Variants in COPS2 observed in about 807,000 individuals in gnomAD.
The protein encoded by COPS2 is COP9 signalosome complex subunit 2.
In COPS2, 10 loss-of-function variants were observed where a neutral mutation model predicts 66.1. The observed-to-expected ratio is 0.15, with a 90% CI of 0.09 to 0.26. The LOEUF (loss-of-function observed/expected upper bound fraction) is 0.26, where lower values mean the gene tolerates loss of function less well. COPS2 is among the 10% of genes least tolerant of loss of function. The pLI, the probability that COPS2 is intolerant of heterozygous loss-of-function variation, is 1.00. For synonymous variants in COPS2, 179 were observed against 171.3 expected, an observed-to-expected ratio of 1.04 and a Z score of -0.35; for missense variants, 215 against 513.3, an observed-to-expected ratio of 0.42 and a Z score of 5.62.
At position 49,128,108 on chromosome 15, in the gene COPS2, A is replaced by T. The variant is rs1036131602; in HGVS notation, c.1188-14T>A. On this transcript the variant is annotated splice_polypyrimidine_tract_variant and intron_variant, in intron 12 of 12. Coordinates refer to ENST00000388901, the MANE Select transcript of COPS2 (RefSeq NM_004236.4). ...CCATGAATAGTGCTAGAAAGAAATAAATAAGATGTGTCTACAAAAGACTTT... is the reference window on the plus strand; with the variant it reads ...CCATGAATAGTGCTAGAAAGAAATATATAAGATGTGTCTACAAAAGACTTT... The T allele has an allele frequency of 1.9e-6, 3 of 1,611,368 alleles. No individual in the cohort carries two copies. The highest frequency in any genetic ancestry group is 2.5e-6 in the Non-Finnish European group (3 of 1,178,574).
At chr15:49,130,923 T>G in intron 9 of COPS2, 107 bp from the exon 10 acceptor site, 1 of 542,762 alleles carries the variant, frequency 1.8e-6, no homozygotes. Flanking sequence ...AAAATCTAAA[T>G]AATATTATAC....
At chr15:49,137,128 G>T in intron 6 of COPS2, 22 bp downstream of exon 6, 1 of 1,493,102 alleles carries the variant, frequency 6.7e-7, no homozygotes. Flanking sequence ...GAAATATTCA[G>T]AAAAAAATAA....
At chr15:49,141,056 T>G (rs2084286771) in intron 3 of COPS2, among the ~76,000 whole-genome samples, 1 of 151,938 alleles carries the variant, frequency 6.6e-6, no homozygotes, top group African/African-American at 2.4e-5. Context: ...TTTCCAAGTT[T>G]CATGTGGGGG....
Position 49,137,420 on chromosome 15 carries a change from T to C in COPS2, c.390A>G (p.Glu130=). ...AAGCTTCCAGTGTTGTTTCATAGAA[T>C]TCCTGCAGTAAATCCATCTGACATA... ...STSKQMDLLQ[E]FYETTLEALK... Residue 130 remains glutamate, a synonymous_variant, in exon 5 of 13, where the codon GAA becomes GAG. Transcript: ENST00000388901. 4.3e-6 allele frequency: 7 copies of C among 1,612,014 alleles called. No homozygotes were observed. Among genetic ancestry groups the C allele is most frequent in the Non-Finnish European group, 4.2e-6 (5 of 1,178,682 alleles).
intron 1 of COPS2, among the ~76,000 whole-genome samples, chr15:49,146,704 C>G (rs758592409): frequency 5.3e-5 from 8 of 152,176 alleles, no homozygotes; most frequent in Non-Finnish European, 1.0e-4. Context: ...CTACTTTCAT[C>G]TCTCCACAAA....
chr15:49,135,800 CA>C (rs1374925024), intron 6 of COPS2, among the ~76,000 whole-genome samples: 1 of 152,188 alleles, frequency 6.6e-6, no homozygotes, highest in Non-Finnish European at 1.5e-5. Context: ...GAGTATCCTG[CA>C]TCTTTCCCTG....
At chr15:49,134,217 A>C in intron 7 of COPS2, 109 bp from the exon 8 acceptor site, 1 of 1,404,574 alleles carries the variant, frequency 7.1e-7, no homozygotes, top group Non-Finnish European at 9.7e-7. Context: ...TTCAGTTTTT[A>C]AATTCTGTAA....
At chr15:49,129,187 C>G (rs571709073) in intron 11 of COPS2, among the ~76,000 whole-genome samples, 1 of 152,064 alleles carries the variant, frequency 6.6e-6, no homozygotes, top group African/African-American at 2.4e-5. Flanking sequence ...CCCAGCTACT[C>G]AGGAGGCTGA....
At chr15:49,130,981 C>CA (rs3214692) in intron 9 of COPS2, among the ~76,000 whole-genome samples, 165 bp from the exon 10 acceptor site, 17 of 150,848 alleles carry the variant, frequency 1.1e-4, no homozygotes, top group African/African-American at 3.4e-4. Flanking sequence ...AACCTTCTGC[C>CA]AAAAAAAACA....
At chr15:49,133,032 AGGCTGGAGTTCTGT>A (rs1369230590) in intron 9 of COPS2, among the ~76,000 whole-genome samples, 1 of 135,092 alleles carries the variant, frequency 7.4e-6, no homozygotes, top group East Asian at 2.2e-4. Flanking sequence ...TCTATCGCCC[AGGCTGGAGTTCTGT>A]GGCGCAATCT....
rs1479241376 is a variant in COPS2 at position 49,137,168 on chromosome 15, C to T, written c.522G>A (p.Gln174=). ...EYGKLQKILR[Q]LHQSCQTDDG... ...AAGCTACCTGGCACGACTGATGTAACTGGCGTAAAATTTTTTGAAGCTTTC... is the reference window on the plus strand; with the variant it reads ...AAGCTACCTGGCACGACTGATGTAATTGGCGTAAAATTTTTTGAAGCTTTC... Residue 174 remains glutamine (Q), a synonymous_variant, in exon 6 of 13, where the codon CAG becomes CAA. Coordinates refer to ENST00000388901, the MANE Select transcript of COPS2 (RefSeq NM_004236.4). 1.2e-6 allele frequency: 2 copies of T among 1,601,956 alleles called. No homozygotes were observed. Among genetic ancestry groups the T allele is most frequent in the Non-Finnish European group, 1.7e-6 (2 of 1,175,874 alleles).
chr15:49,143,890 G>A lies in COPS2; in HGVS notation c.246+337C>T, dbSNP rs544568047. Among the ~76,000 whole-genome samples the A allele has an allele frequency of 2.4e-4, 37 of 152,034 alleles. 1 individual carries two copies. The highest frequency in any genetic ancestry group is 8.7e-4 in the African/African-American group (36 of 41,456). On this transcript the variant is annotated intron_variant, in intron 3 of 12. Coordinates refer to ENST00000388901, the MANE Select transcript of COPS2 (RefSeq NM_004236.4). ...AGTTCCAGCTACTCAGGAGGCTGAG[G>A]CAGGAGAATCACTTGAACCCAGGAG...
intron 12 of COPS2, 63 bp downstream of exon 12, chr15:49,128,639 G>T: frequency 8.7e-7 from 1 of 1,151,040 alleles, no homozygotes; most frequent in Non-Finnish European, 1.3e-6. Flanking sequence ...TGTTACCTTT[G>T]TCACTATTAT....
rs1464794473 is a variant in COPS2 at position 49,127,622 on chromosome 15, C to A, written c.*328G>T. ...CATGTTTAAATTTAACCAACAGTAG[C>A]GTGTCAGTGTATTTAAAATCATGAC... On this transcript the variant is annotated 3_prime_UTR_variant, in exon 13 of 13. Coordinates refer to ENST00000388901, the MANE Select transcript of COPS2 (RefSeq NM_004236.4). The A allele has an allele frequency of 5.0e-6, 1 of 200,168 alleles. No individual in the cohort carries two copies. The highest frequency in any genetic ancestry group is 2.3e-5 in the African/African-American group (1 of 43,234). The allele number at this position is 200,168 out of a possible 1,614,324, so 12.4% of individuals were successfully genotyped here.
At chr15:49,153,976 A>G (rs1481576170) in intron 1 of COPS2, among the ~76,000 whole-genome samples, 1 of 152,210 alleles carries the variant, frequency 6.6e-6, no homozygotes, top group African/African-American at 2.4e-5. Flanking sequence ...TTGACAGCGG[A>G]GCAGGGTGAC....
Position 49,134,493 on chromosome 15 carries a change from G to C in COPS2, c.562C>G (p.Leu188Val). 6.2e-7 allele frequency: 1 copy of C among 1,610,442 alleles called. No homozygotes were observed. The highest frequency in any genetic ancestry group is 8.5e-7 in the Non-Finnish European group (1 of 1,178,788). Reference sequence around the variant, plus strand: ...TCTAATAACTGTGTACCTTTTTTCAGATCATCTTCTCCATCATCAGTCTAG... The same window carrying C: ...TCTAATAACTGTGTACCTTTTTTCACATCATCTTCTCCATCATCAGTCTAG... ...SCQTDDGEDD[L>V]KKGTQLLEIY... The change falls in exon 7 of 13, where the codon CTG (leucine) becomes GTG (valine). Residue 188 changes from leucine to valine, a missense_variant. By Grantham distance (32) the Leu-to-Val change is conservative. Around this residue, in one of 5 missense-constraint regions of COPS2, gnomAD observed 90 missense variants for 225.1 expected, o/e 0.40. Transcript: ENST00000388901.
chr15:49,149,078 T>C (rs531274686), intron 1 of COPS2, among the ~76,000 whole-genome samples: 20 of 152,258 alleles, frequency 1.3e-4, no homozygotes, highest in African/African-American at 4.6e-4. Flanking sequence ...TTAAGCAAAT[T>C]ATGAAAAATA....
intron 1 of COPS2, among the ~76,000 whole-genome samples, chr15:49,150,774 G>A (rs1274915647): frequency 6.6e-6 from 1 of 152,096 alleles, no homozygotes; most frequent in East Asian, 1.9e-4. Flanking sequence ...GGTGGGAGGA[G>A]GGAGAGCAGC....
At chr15:49,140,694 C>T (rs2084284495) in intron 3 of COPS2, among the ~76,000 whole-genome samples, 1 of 152,008 alleles carries the variant, frequency 6.6e-6, no homozygotes, top group African/African-American at 2.4e-5. Context: ...AACCTGCATC[C>T]ACAATCCTCA....
Sources: allele counts gnomAD v4.1 joint callset (sites outside exome capture counted in the v4.1 genomes callset), GRCh38; gene constraint gnomAD v4.1.1; regional missense constraint gnomAD v4.1.1; transcripts MANE v1.5; gene names NCBI Gene and HGNC (gene_info 2026-07-23, HGNC 2026-07-21).